Variants in CNTNAP5 observed in about 807,000 individuals in gnomAD.
CNTNAP5 encodes contactin associated protein family member 5.
Under a neutral mutation model 150.2 loss-of-function variants are expected in CNTNAP5, and 72 were observed. That is an observed-to-expected ratio of 0.48 (90% CI 0.40 to 0.58). The LOEUF is 0.58. CNTNAP5 is among the 20% of genes least tolerant of loss of function. The pLI, the probability that CNTNAP5 is intolerant of heterozygous loss-of-function variation, is 0.00. For missense variants in CNTNAP5, 1,636 were observed against 1,626.2 expected (o/e 1.01, Z -0.10); for synonymous variants, 672 against 619.8 (o/e 1.08, Z -1.25).
intron 6 of CNTNAP5, among the ~76,000 whole-genome samples, chr2:124,464,056 TA>T (rs1693317946): frequency 6.6e-6 from 1 of 152,194 alleles, no homozygotes; most frequent in Non-Finnish European, 1.5e-5. Flanking sequence ...TAAGTCCTAC[TA>T]TTGCTATTAC....
intron 3 of CNTNAP5, among the ~76,000 whole-genome samples, chr2:124,316,633 G>A (rs760284683): frequency 2.5e-4 from 38 of 151,388 alleles, no homozygotes; most frequent in Non-Finnish European, 4.0e-4. Flanking sequence ...GTGAAAACCC[G>A]TCTCTACTAA....
At chr2:124,729,394 C>A (rs1680224246) in intron 13 of CNTNAP5, among the ~76,000 whole-genome samples, 1 of 151,748 alleles carries the variant, frequency 6.6e-6, no homozygotes, top group South Asian at 2.1e-4. Context: ...TTATTGTTTT[C>A]TTTGTTAGGC....
chr2:124,262,233 G>T (rs1031422949), intron 3 of CNTNAP5, among the ~76,000 whole-genome samples: 3 of 151,954 alleles, frequency 2.0e-5, no homozygotes, highest in African/African-American at 7.2e-5. Flanking sequence ...CCACAGACTG[G>T]GACCCTGTCT....
At chr2:124,178,815 A>T (rs895674939) in intron 1 of CNTNAP5, among the ~76,000 whole-genome samples, 4 of 152,174 alleles carry the variant, frequency 2.6e-5, no homozygotes, top group Non-Finnish European at 5.9e-5. Context: ...TGTGCTCATT[A>T]TCACAGACTT....
At chr2:124,340,362 T>C (rs1247063055) in intron 3 of CNTNAP5, among the ~76,000 whole-genome samples, 2 of 152,128 alleles carry the variant, frequency 1.3e-5, no homozygotes, top group Admixed American at 6.6e-5. Flanking sequence ...CAAAAGAAAG[T>C]GTCAGATAGC....
chr2:124,323,961 G>T (rs908043502), intron 3 of CNTNAP5, among the ~76,000 whole-genome samples: 1 of 152,164 alleles, frequency 6.6e-6, no homozygotes, highest in South Asian at 2.1e-4. Flanking sequence ...GAGAAAAGAA[G>T]GAGAAAGTAT....
At chr2:124,752,482 G>T (rs114164227) in intron 14 of CNTNAP5, among the ~76,000 whole-genome samples, 2 of 151,998 alleles carry the variant, frequency 1.3e-5, no homozygotes, top group South Asian at 4.1e-4. Context: ...TGAGGTGGGT[G>T]GGGAGAGAAA....
At chr2:124,671,433 T>G (rs961174585) in intron 13 of CNTNAP5, among the ~76,000 whole-genome samples, 1 of 152,176 alleles carries the variant, frequency 6.6e-6, no homozygotes, top group Non-Finnish European at 1.5e-5. Context: ...AAAATGGGGT[T>G]GTTGTGAGGA....
chr2:124,591,053 T>C (rs1016507907), intron 11 of CNTNAP5, among the ~76,000 whole-genome samples: 1 of 152,178 alleles, frequency 6.6e-6, no homozygotes, highest in African/African-American at 2.4e-5. Context: ...TCTGTTCACA[T>C]TAATATAAAA....
chr2:124,863,062 A>G (rs1271592586), intron 19 of CNTNAP5, among the ~76,000 whole-genome samples: 2 of 152,208 alleles, frequency 1.3e-5, no homozygotes, highest in African/African-American at 2.4e-5. Flanking sequence ...GCCAGCAAAC[A>G]TGTATAAAAT....
At chr2:124,485,844 G>A (rs1277912307) in intron 7 of CNTNAP5, among the ~76,000 whole-genome samples, 2 of 151,944 alleles carry the variant, frequency 1.3e-5, no homozygotes, top group South Asian at 2.1e-4. Context: ...ACCCTGCAGC[G>A]GCCCTCTAGT....
intron 1 of CNTNAP5, among the ~76,000 whole-genome samples, chr2:124,050,428 C>T (rs1681666133): frequency 1.3e-5 from 2 of 152,034 alleles, no homozygotes; most frequent in East Asian, 1.9e-4. Flanking sequence ...CTCAACAGTG[C>T]ACTACAGCCT....
chr2:124,285,837 GAAGAA>G (rs981856838), intron 3 of CNTNAP5, among the ~76,000 whole-genome samples: 15 of 151,676 alleles, frequency 9.9e-5, no homozygotes, highest in African/African-American at 3.4e-4. Context: ...AAAACAAGAA[GAAGAA>G]AAGAGAAGAG....
chr2:124,499,394 G>A (rs1694224765), intron 7 of CNTNAP5, among the ~76,000 whole-genome samples: 1 of 152,220 alleles, frequency 6.6e-6, no homozygotes, highest in Non-Finnish European at 1.5e-5. Context: ...ATGGATGTCA[G>A]GAAAGGTCTG....
Position 124,759,977 on chromosome 2 carries a change from C to A in CNTNAP5, c.2235-3695C>A, listed in dbSNP as rs908328560. Among the ~76,000 whole-genome samples, 100 of 128,290 alleles carry A rather than the reference C, an allele frequency of 7.8e-4. 1 individual carries two copies. Among genetic ancestry groups the A allele is most frequent in the Non-Finnish European group, 1.5e-3 (96 of 63,594 alleles). 84.2% of individuals were successfully genotyped at this position (128,290 alleles called of 152,430 possible). On this transcript the variant is annotated intron_variant, in intron 14 of 23. Transcript: ENST00000682447. ...TTTTTTTTTTTTTTAAATCTGGAAG[C>A]CTTGAGAAAGAAAGCAAAAGAGAAA...
At chr2:124,046,797 T>C (rs545625059) in intron 1 of CNTNAP5, among the ~76,000 whole-genome samples, 72 of 152,290 alleles carry the variant, frequency 4.7e-4, no homozygotes, top group African/African-American at 1.6e-3. Context: ...AAAGCTCCAC[T>C]GACATGCCTC....
chr2:124,142,028 C>A (rs935997731), intron 1 of CNTNAP5, among the ~76,000 whole-genome samples: 1 of 147,236 alleles, frequency 6.8e-6, no homozygotes, highest in Non-Finnish European at 1.5e-5. Context: ...CAACAAAGAT[C>A]AAAAGAGACA....
chr2:124,128,760 A>G (rs938682250), intron 1 of CNTNAP5, among the ~76,000 whole-genome samples: 4 of 152,218 alleles, frequency 2.6e-5, no homozygotes, highest in African/African-American at 2.4e-5. Context: ...TGTCCTTTGT[A>G]GGGACATGGA....
chr2:124,302,379 T>C (rs1335385620), intron 3 of CNTNAP5, among the ~76,000 whole-genome samples: 1 of 152,220 alleles, frequency 6.6e-6, no homozygotes, highest in Non-Finnish European at 1.5e-5. Flanking sequence ...GACTGGGTAA[T>C]TTTAAATAAA....
Sources: gnomAD v4.1 joint callset for allele counts (sites outside exome capture counted in the v4.1 genomes callset) on GRCh38, gnomAD v4.1.1 for gene constraint, MANE v1.5 for transcripts, NCBI Gene and HGNC (gene_info 2026-07-23, HGNC 2026-07-21) for gene names.